Variants in ELP3 observed in about 807,000 individuals in gnomAD.
The protein encoded by ELP3 is elongator complex protein 3.
ELP3 carries 56 observed loss-of-function variants against 74.9 expected under a neutral mutation model. The ratio of observed to expected loss-of-function variants is 0.75; its 90% CI spans 0.60 to 0.93. The LOEUF is 0.93. Ranked by LOEUF, ELP3 falls within the 40% of genes least tolerant of loss-of-function variation. The probability of loss-of-function intolerance (pLI) is 0.00; values close to 1 mark genes in which losing one functional copy is unlikely to be tolerated. For missense variants in ELP3, 573 were observed against 686.5 expected (o/e 0.83, Z 1.85); for synonymous variants, 222 against 239.8 (o/e 0.93, Z 0.68).
intron 3 of ELP3, among the ~76,000 whole-genome samples, chr8:28,104,525 A>G (rs1034833106): frequency 4.6e-5 from 7 of 152,206 alleles, no homozygotes; most frequent in South Asian, 2.1e-4. Context: ...TTTAATTGTC[A>G]TATATCTTTA....
intron 12 of ELP3, among the ~76,000 whole-genome samples, chr8:28,159,944 A>T (rs532100171): frequency 6.6e-6 from 1 of 152,350 alleles, no homozygotes; most frequent in East Asian, 1.9e-4. Context: ...AGTCAAATGC[A>T]TGGAAGCCTT....
chr8:28,145,473 G>A (rs1813395246), intron 10 of ELP3, among the ~76,000 whole-genome samples: 1 of 152,166 alleles, frequency 6.6e-6, no homozygotes, highest in Non-Finnish European at 1.5e-5. Flanking sequence ...TCATTGTAAA[G>A]GAAAATCATT....
chr8:28,184,900 G>A (rs1000763419), intron 14 of ELP3, among the ~76,000 whole-genome samples: 7 of 151,926 alleles, frequency 4.6e-5, no homozygotes, highest in African/African-American at 1.5e-4. Flanking sequence ...GGTGGAAGGC[G>A]GAGGTTGCAG....
intron 7 of ELP3, among the ~76,000 whole-genome samples, chr8:28,126,179 G>A (rs1812570399): frequency 6.6e-6 from 1 of 152,100 alleles, no homozygotes; most frequent in African/African-American, 2.4e-5. Context: ...GGGAATGGGA[G>A]CACTGAGATC....
At chr8:28,164,546 C>A (rs1319112735) in intron 14 of ELP3, among the ~76,000 whole-genome samples, 1 of 152,058 alleles carries the variant, frequency 6.6e-6, no homozygotes, top group East Asian at 1.9e-4. Context: ...AGGGAGGATG[C>A]CGTAAGCATT....
At chr8:28,115,968 G>A (rs1812115580) in intron 7 of ELP3, among the ~76,000 whole-genome samples, 1 of 152,086 alleles carries the variant, frequency 6.6e-6, no homozygotes, top group South Asian at 2.1e-4. Context: ...AAGATTTTTT[G>A]TGTAGGACAA....
chr8:28,108,318 C>T (rs1251559574), intron 5 of ELP3, among the ~76,000 whole-genome samples: 1 of 152,186 alleles, frequency 6.6e-6, no homozygotes, highest in African/African-American at 2.4e-5. Flanking sequence ...CAGGCTTAAA[C>T]AGCTGGCCCA....
intron 7 of ELP3, among the ~76,000 whole-genome samples, chr8:28,121,354 C>G (rs1220771649): frequency 2.8e-5 from 4 of 143,102 alleles, no homozygotes; most frequent in Non-Finnish European, 6.0e-5. Context: ...GAGTCTTGCT[C>G]TGTCGCCCAG....
At chr8:28,186,737 C>T (rs1410759351) in intron 14 of ELP3, among the ~76,000 whole-genome samples, 2 of 152,108 alleles carry the variant, frequency 1.3e-5, no homozygotes, top group Non-Finnish European at 2.9e-5. Context: ...CAGCTCAGGA[C>T]CCTGTTCCTC....
intron 14 of ELP3, among the ~76,000 whole-genome samples, chr8:28,178,463 CT>C (rs1463364917): frequency 3.3e-5 from 5 of 152,182 alleles, no homozygotes; most frequent in Admixed American, 2.6e-4. Context: ...GTTCTGGTTA[CT>C]TTTGCTCAAC....
Position 28,137,845 on chromosome 8 carries a change from A to G in ELP3, c.1054A>G (p.Ile352Val). The G allele has an allele frequency of 1.2e-6, 2 of 1,613,672 alleles. No homozygotes were observed. The highest frequency in any genetic ancestry group is 2.2e-5 in the South Asian group (2 of 90,972). The part of the protein sequence containing the change: ...PSDLVELVAR[I>V]LALVPPWTRV... ...TGACCTGGTTGAATTGGTGGCTCGG[A>G]TCCTAGCCCTCGTGCCTCCATGGAC... Residue 352 changes from isoleucine (I) to valine (V), a missense_variant, in exon 10 of 15, where the codon ATC (isoleucine) becomes GTC (valine). Coordinates refer to ENST00000256398, the MANE Select transcript of ELP3 (RefSeq NM_018091.6).
At chr8:28,116,941 A>C (rs1812162153) in intron 7 of ELP3, among the ~76,000 whole-genome samples, 1 of 152,214 alleles carries the variant, frequency 6.6e-6, no homozygotes, top group South Asian at 2.1e-4. Context: ...CGGGGATGGC[A>C]GCAGAAGGTT....
At chr8:28,156,474 C>T (rs543545956) in intron 11 of ELP3, among the ~76,000 whole-genome samples, 14 of 152,276 alleles carry the variant, frequency 9.2e-5, no homozygotes, top group Non-Finnish European at 1.6e-4. Flanking sequence ...GTCCCTTCTT[C>T]GCTCACAGAT....
chr8:28,151,560 G>A (rs1813642568), intron 10 of ELP3, among the ~76,000 whole-genome samples: 1 of 152,210 alleles, frequency 6.6e-6, no homozygotes, highest in Non-Finnish European at 1.5e-5. Flanking sequence ...TAGGCTTATA[G>A]TAACCCGATG....
chr8:28,163,030 G>A (rs1255039018), intron 14 of ELP3, among the ~76,000 whole-genome samples: 1 of 152,180 alleles, frequency 6.6e-6, no homozygotes, highest in Non-Finnish European at 1.5e-5. Context: ...CCAAGACACC[G>A]TCTTTTGCGG....
chr8:28,121,448 T>C (rs1279602719), intron 7 of ELP3, among the ~76,000 whole-genome samples: 10 of 151,384 alleles, frequency 6.6e-5, no homozygotes, highest in Non-Finnish European at 1.3e-4. Flanking sequence ...GCCTCCCGAG[T>C]AGCTGGGATT....
chr8:28,127,893 T>C (rs899645777), intron 7 of ELP3, among the ~76,000 whole-genome samples: 3 of 152,334 alleles, frequency 2.0e-5, no homozygotes, highest in Non-Finnish European at 2.9e-5. Context: ...AATGAAAGAT[T>C]TGAGAATTTG....
At chr8:28,132,439 G>C in intron 9 of ELP3, 35 bp downstream of exon 9, 1 of 1,613,236 alleles carries the variant, frequency 6.2e-7, no homozygotes, top group Non-Finnish European at 8.5e-7. Flanking sequence ...ATTCAGAATG[G>C]CTCTGCATGT....
chr8:28,169,066 T>G (rs759226786), intron 14 of ELP3, among the ~76,000 whole-genome samples: 2 of 152,186 alleles, frequency 1.3e-5, no homozygotes, highest in African/African-American at 4.8e-5. Flanking sequence ...TCTAAGACAG[T>G]GCCTGTTAGA....
Sources: allele counts gnomAD v4.1 joint callset (sites outside exome capture counted in the v4.1 genomes callset), GRCh38; gene constraint gnomAD v4.1.1; transcripts MANE v1.5; gene names NCBI Gene and HGNC (gene_info 2026-07-23, HGNC 2026-07-21).